Variants in ZKSCAN8 observed in about 807,000 individuals in gnomAD.
ZKSCAN8 encodes the protein zinc finger protein with KRAB and SCAN domains 8.
A neutral mutation model predicts 57.2 loss-of-function variants in ZKSCAN8; 27 were observed. That is an observed-to-expected ratio of 0.47 (90% CI 0.35 to 0.65). The LOEUF is 0.65. ZKSCAN8 is among the 30% of genes least tolerant of loss of function. ZKSCAN8 has a pLI of 0.01. For synonymous variants in ZKSCAN8, 214 were observed against 248.7 expected, an observed-to-expected ratio of 0.86 and a Z score of 1.31; for missense variants, 597 against 696.3, an observed-to-expected ratio of 0.86 and a Z score of 1.60.
intron 5 of ZKSCAN8, 128 bp downstream of exon 5, chr6:28,152,512 A>T: frequency 8.0e-7 from 1 of 1,256,592 alleles, no homozygotes; most frequent in Non-Finnish European, 1.1e-6. Flanking sequence ...GAGGGATATG[A>T]TGTTGAGATT....
rs1490552052 is a variant in ZKSCAN8 at position 28,155,863 on chromosome 6, A to T, written c.*1846A>T. 9.5e-6 allele frequency: 3 copies of T among 314,650 alleles called. No individual in the cohort carries two copies. The highest frequency in any genetic ancestry group is 1.7e-5 in the Non-Finnish European group (3 of 173,562). 19.5% of individuals were successfully genotyped at this position (314,650 alleles called of 1,614,324 possible). A position where few individuals can be genotyped will look rare whatever the true frequency, so the allele number is the denominator to read the frequency against. On this transcript the variant is annotated 3_prime_UTR_variant, in exon 6 of 6. Transcript: ENST00000330236. The stretch of plus-strand genomic sequence containing the variant: ...ATCAATTTCATTGAGCCATTGGTGA[A>T]TGAAGACACCCATCACTTGTCATGT...
At chr6:28,152,500 C>A in intron 5 of ZKSCAN8, 116 bp downstream of exon 5, 1 of 1,325,138 alleles carries the variant, frequency 7.5e-7, no homozygotes, top group Non-Finnish European at 1.0e-6. Flanking sequence ...CAGGATCCAG[C>A]AGAGGGATAT....
In ZKSCAN8 at chr6:28,153,761, A is replaced by G; in HGVS notation, c.1481A>G (p.Glu494Gly). The G allele has an allele frequency of 1.2e-6, 2 of 1,614,040 alleles. No individual in the cohort carries two copies. Among genetic ancestry groups the G allele is most frequent in the Non-Finnish European group, 1.7e-6 (2 of 1,179,930 alleles). The change falls in exon 6 of 6, where the codon GAG (glutamate) becomes GGG (glycine). Residue 494 changes from glutamate to glycine, a missense_variant. By Grantham distance (98) the Glu-to-Gly change is moderately conservative. Coordinates refer to ENST00000330236, the MANE Select transcript of ZKSCAN8 (RefSeq NM_006298.4). ...HTGEKPYKCN[E>G]CGRAFSQKSG... ...GGGGAGAAACCCTACAAATGCAATG[A>G]GTGTGGGAGGGCCTTCAGTCAGAAG...
At chr6:28,145,734 C>G (rs1358134262) in intron 1 of ZKSCAN8, among the ~76,000 whole-genome samples, 1 of 152,220 alleles carries the variant, frequency 6.6e-6, no homozygotes, top group African/African-American at 2.4e-5. Context: ...ACTTAGCTCT[C>G]ATTCATCTGT....
chr6:28,148,821 A>T lies in ZKSCAN8; in HGVS notation c.414A>T (p.Arg138=). The T allele has an allele frequency of 1.9e-6, 3 of 1,611,114 alleles. No homozygotes were observed. Among genetic ancestry groups the T allele is most frequent in the Non-Finnish European group, 2.5e-6 (3 of 1,178,022 alleles). ...DLERQIDILG[R]PVSARVHGHR... ...AAAGGCAGATTGATATACTAGGACGACCAGTAAGTAGAAGGAGGTATGCGT... is the reference window on the plus strand; with the variant it reads ...AAAGGCAGATTGATATACTAGGACGTCCAGTAAGTAGAAGGAGGTATGCGT... Residue 138 remains arginine, a synonymous_variant, in exon 2 of 6, where the codon CGA becomes CGT. Coordinates refer to ENST00000330236, the MANE Select transcript of ZKSCAN8 (RefSeq NM_006298.4).
In ZKSCAN8 at chr6:28,149,025, A is replaced by G. The variant is rs1765499488; in HGVS notation, c.417+201A>G. On this transcript the variant is annotated intron_variant, in intron 2 of 5. Coordinates refer to ENST00000330236, the MANE Select transcript of ZKSCAN8 (RefSeq NM_006298.4). The stretch of plus-strand genomic sequence containing the variant: ...AAATCCATTTTGTTTTTGTCGTCAT[A>G]ACATCCCTACGACTGTATTGTTCTT... Among the ~76,000 whole-genome samples, 4 of 152,322 alleles carry G rather than the reference A, an allele frequency of 2.6e-5. No homozygotes were observed. The South Asian group carries it at 8.3e-4, about 32-fold the overall frequency.
chr6:28,150,994 C>T (rs1330490783), intron 3 of ZKSCAN8, among the ~76,000 whole-genome samples: 1 of 151,952 alleles, frequency 6.6e-6, no homozygotes. Flanking sequence ...TTTGTAGAGA[C>T]GAGGTTTCAC....
rs1169858612 is a variant in ZKSCAN8, at chr6:28,154,583, A to G, written c.*566A>G. 6.6e-6 allele frequency: 1 copy of G among 152,362 alleles called. No individual in the cohort carries two copies. Among genetic ancestry groups the G allele is most frequent in the Non-Finnish European group, 1.5e-5 (1 of 68,144 alleles). The allele number at this position is 152,362 out of a possible 1,614,324, so 9.4% of individuals were successfully genotyped here. A position where few individuals can be genotyped will look rare whatever the true frequency, so the allele number is the denominator to read the frequency against. ...TTTTATTCTAATATTCCTTCTAGTC[A>G]GTGGAAATTTGTATTCCCATACAAA... On this transcript the variant is annotated 3_prime_UTR_variant, in exon 6 of 6. Coordinates refer to ENST00000330236, the MANE Select transcript of ZKSCAN8 (RefSeq NM_006298.4).
chr6:28,145,968 A>C (rs1225716), intron 1 of ZKSCAN8, among the ~76,000 whole-genome samples: 45,513 of 152,108 alleles, frequency 0.3, 7,078 homozygotes, highest in African/African-American at 0.38. Context: ...ACATTTCAAC[A>C]CACAGTAGGC....
In ZKSCAN8 at chr6:28,155,881, T is replaced by C. The variant is rs1765765557; in HGVS notation, c.*1864T>C. ...TTGGTGAATGAAGACACCCATCACT[T>C]GTCATGTTGGTTTCCAACAGTCCTT... On this transcript the variant is annotated 3_prime_UTR_variant, in exon 6 of 6. Coordinates refer to ENST00000330236, the MANE Select transcript of ZKSCAN8 (RefSeq NM_006298.4). The C allele has an allele frequency of 3.0e-6, 1 of 338,952 alleles. No individual in the cohort carries two copies. The highest frequency in any genetic ancestry group is 5.3e-6 in the Non-Finnish European group (1 of 188,734). 21.0% of individuals were successfully genotyped at this position (338,952 alleles called of 1,614,324 possible).
rs1470360440 is a variant in ZKSCAN8 at position 28,144,545 on chromosome 6, C to G, written c.-93+2516C>G. 6.6e-6 allele frequency: 1 copy of G among 152,162 alleles called. No individual in the cohort carries two copies. Among genetic ancestry groups the G allele is most frequent in the African/African-American group, 2.4e-5 (1 of 41,440 alleles). 9.4% of individuals were successfully genotyped at this position (152,162 alleles called of 1,614,324 possible). On this transcript the variant is annotated intron_variant, in intron 1 of 5. Transcript: ENST00000330236. This position sits in a 1 kb window ranked among gnomAD's most constrained non-coding sequence, Gnocchi z 4.5. ...ACTGGTTTAGGGTATGCTACCTTTA[C>G]TTACACTCTTCTTCATTCTCTACAG... is the stretch of plus-strand genomic sequence containing the variant.
chr6:28,151,323 G>A (rs1765583066), intron 3 of ZKSCAN8, among the ~76,000 whole-genome samples: 1 of 151,994 alleles, frequency 6.6e-6, no homozygotes, highest in East Asian at 1.9e-4. Context: ...TATTTCTAAA[G>A]AAGCATTAAA....
intron 3 of ZKSCAN8, among the ~76,000 whole-genome samples, chr6:28,151,094 C>T (rs1333759549): frequency 6.6e-6 from 1 of 152,212 alleles, no homozygotes; most frequent in African/African-American, 2.4e-5. Flanking sequence ...CCATGAGCCA[C>T]TGTGCTCGGC....
chr6:28,151,997 T>C, intron 4 of ZKSCAN8, 61 bp downstream of exon 4: 1 of 1,573,522 alleles, frequency 6.4e-7, no homozygotes. Flanking sequence ...TTGTGGCATC[T>C]GCCCTATATC....
chr6:28,153,382 CA>C lies in ZKSCAN8; in HGVS notation c.1103del (p.His368LeufsTer8). The C allele has an allele frequency of 6.2e-7, 1 of 1,614,074 alleles. No individual in the cohort carries two copies. On this transcript the variant is annotated frameshift_variant, in exon 6 of 6. Coordinates refer to ENST00000330236, the MANE Select transcript of ZKSCAN8 (RefSeq NM_006298.4). LOFTEE classifies it high-confidence loss of function. ...AFSYRSALLSHQDIHNKVKRY... is the reference protein window; with the variant it reads ...AFSYRSALLSXQDIHNKVKRY... The stretch of plus-strand genomic sequence containing the variant: ...CAGTTACAGGTCAGCCCTTCTTTCA[CA>C]TCAGGATATCCACAACAAAGTAAAA...
Position 28,154,089 on chromosome 6 carries a change from T to A in ZKSCAN8, c.*72T>A. ...CACACACTGGTGAGAGGTCTTTCAG[T>A]GTACTAAAAGGCAGAAAGGTCATCA... is the stretch of plus-strand genomic sequence containing the variant. On this transcript the variant is annotated 3_prime_UTR_variant, in exon 6 of 6. Transcript: ENST00000330236. 2 of 1,506,840 alleles carry A rather than the reference T, an allele frequency of 1.3e-6. No individual in the cohort carries two copies. The highest frequency in any genetic ancestry group is 2.7e-5 in the South Asian group (2 of 73,580). The allele number at this position is 1,506,840 out of a possible 1,614,324, so 93.3% of individuals were successfully genotyped here.
chr6:28,148,318 G>A lies in ZKSCAN8; in HGVS notation c.-90G>A, dbSNP rs778635581. On this transcript the variant is annotated splice_region_variant and 5_prime_UTR_variant, in exon 2 of 6. Coordinates refer to ENST00000330236, the MANE Select transcript of ZKSCAN8 (RefSeq NM_006298.4). ...ACTATCATATTTTCTTCATGAAGAAGTACCCTTAGAAAGAGGCCCTCAGAA... is the reference window on the plus strand; with the variant it reads ...ACTATCATATTTTCTTCATGAAGAAATACCCTTAGAAAGAGGCCCTCAGAA... 7 of 1,355,870 alleles carry A rather than the reference G, an allele frequency of 5.2e-6. No homozygotes were observed. The highest frequency in any genetic ancestry group is 4.2e-4 in the Middle Eastern group (2 of 4,750). The allele number at this position is 1,355,870 out of a possible 1,614,324, so 84.0% of individuals were successfully genotyped here.
rs140323706 is a variant in ZKSCAN8 at position 28,148,926 on chromosome 6, T to C, written c.417+102T>C. 858 of 1,333,850 alleles carry C rather than the reference T, an allele frequency of 6.4e-4. 10 individuals are homozygous for C. The East Asian group carries it at 0.02, about 31-fold the overall frequency. 82.6% of individuals were successfully genotyped at this position (1,333,850 alleles called of 1,614,324 possible). On this transcript the variant is annotated intron_variant, in intron 2 of 5. Coordinates refer to ENST00000330236, the MANE Select transcript of ZKSCAN8 (RefSeq NM_006298.4). ...GGAGAGCAGATGCTTAGCATCAGTT[T>C]CTGTTGGATAAGGATGACAATAGTT...
In ZKSCAN8 at chr6:28,153,334, T is replaced by A. The variant is rs1270098157; in HGVS notation, c.1054T>A (p.Cys352Ser). The A allele has an allele frequency of 3.7e-6, 6 of 1,614,082 alleles. No homozygotes were observed. The highest frequency in any genetic ancestry group is 5.1e-6 in the Non-Finnish European group (6 of 1,180,008). Residue 352 changes from cysteine (C) to serine (S), a missense_variant, in exon 6 of 6, where the codon TGT becomes AGT. Transcript: ENST00000330236. Reference sequence around the variant, plus strand: ...CCACACTGGGGAGAAACCCTATCAGTGTAATGTGTGTGGTAAAGCCTTCAG... The same window carrying A: ...CCACACTGGGGAGAAACCCTATCAGAGTAATGTGTGTGGTAAAGCCTTCAG... ...RIHTGEKPYQ[C>S]NVCGKAFSYR... is the part of the protein sequence containing the mutation.
Sources: gnomAD v4.1 joint callset for allele counts (sites outside exome capture counted in the v4.1 genomes callset) on GRCh38, gnomAD v4.1.1 for gene constraint, Gnocchi (gnomAD v3.1) non-coding constraint, MANE v1.5 for transcripts, NCBI Gene and HGNC (gene_info 2026-07-23, HGNC 2026-07-21) for gene names.